Variants in RAB10 observed in about 807,000 individuals in gnomAD.
RAB10 encodes the protein RAB10, member RAS oncogene family, also known as ras-related protein Rab-10.
Under a neutral mutation model 25.7 loss-of-function variants are expected in RAB10, and 5 were observed. The observed-to-expected ratio is 0.19, with a 90% confidence interval of 0.10 to 0.41. The LOEUF (loss-of-function observed/expected upper bound fraction) is 0.41, where lower values mean the gene tolerates loss of function less well. Ranked by LOEUF, RAB10 falls within the 10% of genes least tolerant of loss-of-function variation. The pLI is 1.00. For synonymous variants in RAB10, 89 were observed against 86.4 expected (o/e 1.03, Z -0.16); for missense variants, 103 against 245.8 (o/e 0.42, Z 3.89).
Position 26,042,006 on chromosome 2 carries a change from C to T in RAB10, c.127+7271C>T, listed in dbSNP as rs142997129. Among the ~76,000 whole-genome samples the T allele has an allele frequency of 4.5e-3, 679 of 152,272 alleles. 3 individuals are homozygous for T. Among genetic ancestry groups the T allele is most frequent in the African/African-American group, 0.015 (607 of 41,556 alleles). ...AGAAGATTTCAGTGGTTGATTTGAC[C>T]ATAACCATCTTGGTAGTATGAGCTC... is the stretch of plus-strand genomic sequence containing the variant. On this transcript the variant is annotated intron_variant, in intron 1 of 5. Coordinates refer to ENST00000264710, the MANE Select transcript of RAB10 (RefSeq NM_016131.5).
chr2:26,104,626 A>AT (rs1491386185), intron 2 of RAB10, among the ~76,000 whole-genome samples: 12 of 151,988 alleles, frequency 7.9e-5, no homozygotes, highest in African/African-American at 2.9e-4. Flanking sequence ...CTTTGGTGAC[A>AT]TGTGTAAGAA....
chr2:26,061,990 T>C (rs961904596), intron 1 of RAB10, among the ~76,000 whole-genome samples: 4 of 152,132 alleles, frequency 2.6e-5, no homozygotes, highest in African/African-American at 4.8e-5. Flanking sequence ...TCTCTTACCA[T>C]GAACAGTTGA....
At chr2:26,097,855 T>C (rs2149279829) in intron 1 of RAB10, among the ~76,000 whole-genome samples, 1 of 152,314 alleles carries the variant, frequency 6.6e-6, no homozygotes, top group South Asian at 2.1e-4. Flanking sequence ...TTCGCAGTTC[T>C]ATTAATTTTT....
chr2:26,130,605 C>G (rs534697395), intron 5 of RAB10, among the ~76,000 whole-genome samples: 1 of 152,184 alleles, frequency 6.6e-6, no homozygotes, highest in African/African-American at 2.4e-5. Context: ...CACCATCCCT[C>G]ACTAATTTTC....
rs78816827 is a variant in RAB10, at chr2:26,052,842, A to G, written c.127+18107A>G. ...GGTCTTGAGGGATGACAATATTGGT[A>G]TATGAGATGGAAGCTATGTGTTGGG... is the stretch of plus-strand genomic sequence containing the variant. On this transcript the variant is annotated intron_variant, in intron 1 of 5. Transcript: ENST00000264710. Among the ~76,000 whole-genome samples the G allele has an allele frequency of 6.1e-3, 932 of 152,250 alleles. 12 individuals are homozygous for G. The highest frequency in any genetic ancestry group is 0.021 in the African/African-American group (872 of 41,536).
At chr2:26,042,092 T>C (rs988135081) in intron 1 of RAB10, among the ~76,000 whole-genome samples, 8 of 152,154 alleles carry the variant, frequency 5.3e-5, no homozygotes, top group African/African-American at 1.9e-4. Context: ...AAGCACAAGC[T>C]TTTAGTGGGC....
chr2:26,080,454 T>G (rs2149273518), intron 1 of RAB10, among the ~76,000 whole-genome samples: 1 of 152,274 alleles, frequency 6.6e-6, no homozygotes, highest in South Asian at 2.1e-4. Context: ...ATAATTTTTT[T>G]TTGTCGTGAT....
At chr2:26,082,047 A>G (rs1344631670) in intron 1 of RAB10, among the ~76,000 whole-genome samples, 1 of 152,166 alleles carries the variant, frequency 6.6e-6, no homozygotes, top group Non-Finnish European at 1.5e-5. Flanking sequence ...GAAATAGAAA[A>G]TATTTCTTCT....
intron 1 of RAB10, among the ~76,000 whole-genome samples, chr2:26,087,913 CAGATAA>C (rs1667022796): frequency 6.6e-6 from 1 of 152,098 alleles, no homozygotes; most frequent in African/African-American, 2.4e-5. Context: ...CATCTGCATA[CAGATAA>C]AGAAACAAAT....
chr2:26,063,887 T>G (rs970849531), intron 1 of RAB10, among the ~76,000 whole-genome samples: 5 of 152,152 alleles, frequency 3.3e-5, no homozygotes, highest in Non-Finnish European at 7.4e-5. Context: ...AACCTCTGCC[T>G]CCCGGGTTCA....
intron 3 of RAB10, among the ~76,000 whole-genome samples, chr2:26,124,515 C>T (rs1667869790): frequency 6.7e-6 from 1 of 148,980 alleles, no homozygotes; most frequent in South Asian, 2.1e-4. Context: ...CTCCTCCTGC[C>T]TCAGCTTCTT....
intron 3 of RAB10, among the ~76,000 whole-genome samples, chr2:26,120,592 C>CTT (rs71694853): frequency 2.1e-5 from 3 of 146,268 alleles, no homozygotes; most frequent in South Asian, 4.4e-4. Context: ...TAGGGAGTTT[C>CTT]TTTTTTTTTT....
chr2:26,080,575 C>G (rs1054452580), intron 1 of RAB10, among the ~76,000 whole-genome samples: 3 of 152,148 alleles, frequency 2.0e-5, no homozygotes, highest in Non-Finnish European at 1.5e-5. Context: ...GTGACACAAT[C>G]ATGGTTCACT....
chr2:26,098,960 A>G (rs1667284690), intron 2 of RAB10, among the ~76,000 whole-genome samples: 1 of 152,196 alleles, frequency 6.6e-6, no homozygotes, highest in Non-Finnish European at 1.5e-5. Context: ...TAGGCTTTTT[A>G]TCTTCATATG....
At chr2:26,095,157 C>T (rs1667185031) in intron 1 of RAB10, among the ~76,000 whole-genome samples, 1 of 152,130 alleles carries the variant, frequency 6.6e-6, no homozygotes, top group Non-Finnish European at 1.5e-5. Flanking sequence ...TTATGATCGC[C>T]CTTTGCCAGT....
intron 1 of RAB10, among the ~76,000 whole-genome samples, chr2:26,037,676 CAT>C (rs1233186786): frequency 6.6e-6 from 1 of 151,618 alleles, no homozygotes; most frequent in Non-Finnish European, 1.5e-5. Context: ...ATATCTACCA[CAT>C]AGGGTAGTTG....
At chr2:26,129,301 GAC>G (rs1667967262) in intron 5 of RAB10, among the ~76,000 whole-genome samples, 1 of 146,036 alleles carries the variant, frequency 6.8e-6, no homozygotes, top group Admixed American at 6.8e-5. Context: ...AAAAAAATCT[GAC>G]ACACATCCTA....
intron 1 of RAB10, among the ~76,000 whole-genome samples, chr2:26,089,810 A>G (rs539673656): frequency 5.3e-5 from 8 of 152,176 alleles, no homozygotes. Flanking sequence ...TAATCATTTC[A>G]ATTAGTAATA....
chr2:26,105,704 G>C (rs545114976), intron 2 of RAB10, among the ~76,000 whole-genome samples: 1 of 152,146 alleles, frequency 6.6e-6, no homozygotes, highest in African/African-American at 2.4e-5. Flanking sequence ...TAGTGATTAA[G>C]ATGCAGTCAT....
Sources: gnomAD v4.1 joint callset for allele counts (sites outside exome capture counted in the v4.1 genomes callset) on GRCh38, gnomAD v4.1.1 for gene constraint, MANE v1.5 for transcripts, NCBI Gene and HGNC (gene_info 2026-07-23, HGNC 2026-07-21) for gene names.